Variants in UTRN observed in about 807,000 individuals in gnomAD.
UTRN encodes the protein utrophin.
Under a neutral mutation model 463.9 loss-of-function variants are expected in UTRN, and 283 were observed. The observed-to-expected ratio is 0.61, with a 90% CI of 0.55 to 0.67. The LOEUF is 0.67. UTRN is among the 30% of genes least tolerant of loss of function. UTRN has a pLI of 0.00. For missense variants in UTRN, 3,922 were observed against 4,084.3 expected (o/e 0.96, Z 1.08); for synonymous variants, 1,442 against 1,431.5 (o/e 1.01, Z -0.17).
At chr6:144,454,936 C>T (rs1263082579) in intron 19 of UTRN, among the ~76,000 whole-genome samples, 1 of 152,128 alleles carries the variant, frequency 6.6e-6, no homozygotes, top group Non-Finnish European at 1.5e-5. Context: ...AGAAATTTCT[C>T]TTTTGGGTTA....
At chr6:144,331,134 C>G (rs556145831) in intron 2 of UTRN, 1 of 698,794 alleles carries the variant, frequency 1.4e-6, no homozygotes, top group African/African-American at 1.9e-5. Context: ...TTAACAGATT[C>G]TAAATTATTT....
intron 52 of UTRN, 124 bp from the exon 53 acceptor site, chr6:144,699,963 C>G: frequency 1.3e-6 from 1 of 792,444 alleles, no homozygotes; most frequent in East Asian, 3.4e-5. Context: ...GAGTCAGTCT[C>G]TTTTGTGGAA....
At chr6:144,419,317 A>G (rs899926562) in intron 3 of UTRN, among the ~76,000 whole-genome samples, 1 of 152,302 alleles carries the variant, frequency 6.6e-6, no homozygotes, top group African/African-American at 2.4e-5. Context: ...CCCTGAATCT[A>G]TCGCTGCCTG....
Position 144,645,411 on chromosome 6 carries a change from C to G in UTRN, c.7480-32995C>G, listed in dbSNP as rs889903555. 4.6e-5 allele frequency among the ~76,000 whole-genome samples: 7 copies of G among 152,246 alleles called. No individual in the cohort carries two copies. The East Asian group carries it at 1.3e-3, about 29-fold the overall frequency. On this transcript the variant is annotated intron_variant, in intron 51 of 74. Transcript: ENST00000367545. Reference sequence around the variant, plus strand: ...AAGATGTCTTTAAATTCACTGGCTTCAAAGATAACTTCTGCATTATTCCTT... The same window carrying G: ...AAGATGTCTTTAAATTCACTGGCTTGAAAGATAACTTCTGCATTATTCCTT...
At position 144,485,428 on chromosome 6, in the gene UTRN, T is replaced by C; in HGVS notation, c.3731T>C (p.Leu1244Pro). 1.2e-6 allele frequency: 2 copies of C among 1,614,146 alleles called. No individual in the cohort carries two copies. The highest frequency in any genetic ancestry group is 1.7e-6 in the Non-Finnish European group (2 of 1,179,992). Reference sequence around the variant, plus strand: ...ATTGAACTGCTTCACTATTTGGATCTTGAAACTACCTGGTTAAACACTTTG... The same window carrying C: ...ATTGAACTGCTTCACTATTTGGATCCTGAAACTACCTGGTTAAACACTTTG... The part of the protein sequence containing the change: ...CWIELLHYLD[L>P]ETTWLNTLEE... Residue 1244 changes from leucine (L) to proline (P), a missense_variant, in exon 28 of 75, where the codon CTT becomes CCT. Physicochemically the swap from Leu to Pro is moderately conservative, Grantham distance 98 (BLOSUM62 -3). Around this residue, in one of 3 missense-constraint regions of UTRN, gnomAD observed 2,349 missense variants for 2,303.8 expected, o/e 1.02. Transcript: ENST00000367545.
At chr6:144,351,449 A>C (rs1325395217) in intron 2 of UTRN, among the ~76,000 whole-genome samples, 1 of 152,242 alleles carries the variant, frequency 6.6e-6, no homozygotes, top group Non-Finnish European at 1.5e-5. Context: ...ATTTAACCAC[A>C]GATCCAGTAA....
At chr6:144,604,954 A>AT (rs1219448227) in intron 51 of UTRN, among the ~76,000 whole-genome samples, 1 of 152,042 alleles carries the variant, frequency 6.6e-6, no homozygotes, top group East Asian at 1.9e-4. Flanking sequence ...GACAAAAAAA[A>AT]ATCACTAAAG....
intron 2 of UTRN, among the ~76,000 whole-genome samples, chr6:144,383,270 A>G (rs186677002): frequency 6.6e-6 from 1 of 152,258 alleles, no homozygotes; most frequent in East Asian, 1.9e-4. Context: ...CAGAGCTGGA[A>G]CATCCAACTC....
At chr6:144,502,492 G>A (rs1182078869) in intron 34 of UTRN, among the ~76,000 whole-genome samples, 1 of 151,874 alleles carries the variant, frequency 6.6e-6, no homozygotes, top group Non-Finnish European at 1.5e-5. Flanking sequence ...TCCCACTTAT[G>A]AGTGAGAATA....
chr6:144,643,554 TGGGAG>T (rs1777978586), intron 51 of UTRN, among the ~76,000 whole-genome samples: 2 of 152,284 alleles, frequency 1.3e-5, no homozygotes, highest in East Asian at 3.9e-4. Context: ...CCCAGCACTT[TGGGAG>T]GCTGAGGCGG....
chr6:144,749,139 T>C (rs372737699), intron 55 of UTRN, among the ~76,000 whole-genome samples: 2 of 152,178 alleles, frequency 1.3e-5, no homozygotes, highest in African/African-American at 4.8e-5. Flanking sequence ...GTTAGACTTA[T>C]GGTTACCTCC....
At chr6:144,293,471 A>G (rs975205978) in intron 2 of UTRN, among the ~76,000 whole-genome samples, 1 of 152,190 alleles carries the variant, frequency 6.6e-6, no homozygotes, top group Non-Finnish European at 1.5e-5. Flanking sequence ...TTGCTGGAGA[A>G]CAATTTGGCA....
intron 6 of UTRN, among the ~76,000 whole-genome samples, chr6:144,424,806 G>T (rs1785154111): frequency 6.6e-6 from 1 of 151,996 alleles, no homozygotes; most frequent in Non-Finnish European, 1.5e-5. Context: ...AATATTTAGT[G>T]TGTATTTTCT....
intron 50 of UTRN, among the ~76,000 whole-genome samples, chr6:144,568,943 G>T (rs1275429923): frequency 6.6e-6 from 1 of 152,038 alleles, no homozygotes; most frequent in Non-Finnish European, 1.5e-5. Context: ...GTACACAAAT[G>T]GCATTAAAGG....
At chr6:144,557,045 C>CTG in intron 49 of UTRN, 112 bp from the exon 50 acceptor site, 5 of 1,325,068 alleles carry the variant, frequency 3.8e-6, no homozygotes, top group Non-Finnish European at 5.0e-6. Context: ...TGTTTTCATC[C>CTG]TGTGATATCT....
At chr6:144,495,176 G>A (rs1793491815) in intron 33 of UTRN, among the ~76,000 whole-genome samples, 2 of 152,230 alleles carry the variant, frequency 1.3e-5, no homozygotes, top group Admixed American at 6.5e-5. Flanking sequence ...GTGGTCAATG[G>A]GAGTGGGCGC....
intron 2 of UTRN, among the ~76,000 whole-genome samples, chr6:144,383,280 C>T (rs1781099096): frequency 1.3e-5 from 2 of 152,172 alleles, no homozygotes; most frequent in African/African-American, 4.8e-5. Context: ...ACATCCAACT[C>T]CAACTTGTAG....
intron 2 of UTRN, among the ~76,000 whole-genome samples, chr6:144,343,727 G>A (rs959924037): frequency 6.6e-6 from 1 of 152,130 alleles, no homozygotes; most frequent in Non-Finnish European, 1.5e-5. Flanking sequence ...CCCAAGGTGT[G>A]TATAACTACT....
intron 15 of UTRN, 112 bp from the exon 16 acceptor site, chr6:144,447,490 G>T: frequency 7.3e-7 from 1 of 1,368,660 alleles, no homozygotes. Context: ...ATAGTGAACT[G>T]CAAAGCATGT....
Sources: allele counts gnomAD v4.1 joint callset (sites outside exome capture counted in the v4.1 genomes callset), GRCh38; gene constraint gnomAD v4.1.1; regional missense constraint gnomAD v4.1.1; transcripts MANE v1.5; gene names NCBI Gene and HGNC (gene_info 2026-07-23, HGNC 2026-07-21).